PXMP2: variants seen among roughly 807,000 people sequenced by gnomAD.
PXMP2 encodes peroxisomal membrane protein 2, also known as 22 kDa peroxisomal membrane protein.
In PXMP2, 13 loss-of-function variants were observed where a neutral mutation model predicts 20.2. The observed-to-expected ratio is 0.64, with a 90% CI of 0.42 to 1.02. The LOEUF (loss-of-function observed/expected upper bound fraction) is 1.02, where lower values mean the gene tolerates loss of function less well. Among genes scored for constraint, PXMP2 ranks in the 50% least tolerant of loss-of-function variants. The probability of loss-of-function intolerance (pLI) is 0.00; values close to 1 mark genes in which losing one functional copy is unlikely to be tolerated. For missense variants in PXMP2, 284 were observed against 251.8 expected, an observed-to-expected ratio of 1.13 and a Z score of -0.87; for synonymous variants, 113 against 111.2, an observed-to-expected ratio of 1.02 and a Z score of -0.10.
intron 4 of PXMP2, among the ~76,000 whole-genome samples, chr12:132,704,221 G>A (rs1467819746): frequency 6.6e-6 from 1 of 152,156 alleles, no homozygotes; most frequent in East Asian, 1.9e-4. Context: ...TGGGTTAGAG[G>A]AGGGAAGGTC....
chr12:132,688,072 G>A, intron 1 of PXMP2: 1 of 217,540 alleles, frequency 4.6e-6, no homozygotes, highest in Non-Finnish European at 8.9e-6. Context: ...GGACCCAACA[G>A]GGGCCCCGCG....
At chr12:132,690,046 C>T (rs2043357150) in intron 1 of PXMP2, among the ~76,000 whole-genome samples, 1 of 152,218 alleles carries the variant, frequency 6.6e-6, no homozygotes, top group Non-Finnish European at 1.5e-5. Flanking sequence ...AGGATGTTGA[C>T]ATAGATACTG....
At chr12:132,694,701 G>T (rs1289950126) in intron 2 of PXMP2, among the ~76,000 whole-genome samples, 1 of 120,900 alleles carries the variant, frequency 8.3e-6, no homozygotes, top group Non-Finnish European at 1.7e-5. Context: ...GCCAGTTAGT[G>T]AGCTCCCTTG....
intron 1 of PXMP2, 151 bp downstream of exon 1, chr12:132,687,943 C>T: frequency 7.9e-6 from 6 of 758,306 alleles, no homozygotes; most frequent in Non-Finnish European, 1.0e-5. Context: ...CGGCGCTGAA[C>T]TTCCCGCGGC....
At position 132,704,810 on chromosome 12, in the gene PXMP2, CA is replaced by C; in HGVS notation, c.*128del. On this transcript the variant is annotated 3_prime_UTR_variant, in exon 5 of 5. Coordinates refer to ENST00000317479, the MANE Select transcript of PXMP2 (RefSeq NM_018663.3). Reference sequence around the variant, plus strand: ...TCTAAATCAGGTGATTCAAGATGCCCAAAAATGATGGATAGAGAAACAGAAA... The same window carrying C: ...TCTAAATCAGGTGATTCAAGATGCCCAAAATGATGGATAGAGAAACAGAAA... 2.2e-6 allele frequency: 2 copies of C among 915,248 alleles called. No individual in the cohort carries two copies. Among genetic ancestry groups the C allele is most frequent in the Admixed American group, 2.0e-5 (1 of 51,182 alleles). The allele number at this position is 915,248 out of a possible 1,614,324, so 56.7% of individuals were successfully genotyped here.
intron 2 of PXMP2, among the ~76,000 whole-genome samples, chr12:132,693,909 T>TTAGA: frequency 1.1e-5 from 1 of 88,722 alleles, no homozygotes; most frequent in Admixed American, 9.9e-5. Flanking sequence ...CCTTAGCCAG[T>TTAGA]TAGTGAGCGC....
chr12:132,690,112 C>G, intron 1 of PXMP2, 151 bp from the exon 2 acceptor site: 1 of 608,726 alleles, frequency 1.6e-6, no homozygotes, highest in South Asian at 2.1e-5. Flanking sequence ...CCTTTTGATA[C>G]AAGAACTATA....
intron 1 of PXMP2, 70 bp downstream of exon 1, chr12:132,687,862 G>C: frequency 2.7e-6 from 3 of 1,095,448 alleles, no homozygotes; most frequent in South Asian, 4.3e-5. Context: ...GGGCCTGGAC[G>C]GGAGCGCCGG....
chr12:132,697,393 TTTTATTTA>T (rs139781321), intron 3 of PXMP2, among the ~76,000 whole-genome samples: 3 of 150,018 alleles, frequency 2.0e-5, no homozygotes, highest in African/African-American at 7.3e-5. Flanking sequence ...TGTAGTCCTA[TTTTATTTA>T]TTTATTTATT....
chr12:132,704,583 G>A (rs752131113), intron 4 of PXMP2, 36 bp from the exon 5 acceptor site: 38 of 1,394,810 alleles, frequency 2.7e-5, no homozygotes, highest in East Asian at 1.9e-4. Context: ...ACGGCCTCCC[G>A]CTGACCGTGG....
intron 2 of PXMP2, 60 bp from the exon 3 acceptor site, chr12:132,695,824 G>A (rs1593106928): frequency 2.6e-6 from 4 of 1,526,930 alleles, no homozygotes; most frequent in Admixed American, 2.0e-5. Flanking sequence ...GGTGAAGCTA[G>A]ACCAGAGAAG....
At position 132,693,790 on chromosome 12, in the gene PXMP2, T is replaced by A. The variant is rs1213045031; in HGVS notation, c.237-2094T>A. On this transcript the variant is annotated intron_variant, in intron 2 of 4. Transcript: ENST00000317479. ...GTTAGTGAGCGCCCTTGCCAGTTAG[T>A]TAGTTAGCTCCCTTAGCCAGTTAGT... Among the ~76,000 whole-genome samples, 283 of 100,412 alleles carry A rather than the reference T, an allele frequency of 2.8e-3. 1 individual carries two copies. Among genetic ancestry groups the A allele is most frequent in the Admixed American group, 6.8e-3 (66 of 9,726 alleles). 65.9% of individuals were successfully genotyped at this position (100,412 alleles called of 152,430 possible).
intron 2 of PXMP2, among the ~76,000 whole-genome samples, chr12:132,691,922 G>C (rs146295581): frequency 1.3e-5 from 2 of 152,382 alleles, no homozygotes; most frequent in African/African-American, 4.8e-5. Flanking sequence ...ATGATTAGTA[G>C]CAACGCACAC....
intron 3 of PXMP2, among the ~76,000 whole-genome samples, chr12:132,698,976 A>G (rs1163706984): frequency 6.6e-6 from 1 of 152,156 alleles, no homozygotes; most frequent in African/African-American, 2.4e-5. Flanking sequence ...TAGTTTGTAT[A>G]TATTTAGAGG....
intron 3 of PXMP2, among the ~76,000 whole-genome samples, chr12:132,697,641 C>T (rs1367690850): frequency 2.6e-5 from 4 of 151,990 alleles, no homozygotes; most frequent in African/African-American, 7.2e-5. Flanking sequence ...CTCCTGACCT[C>T]GTGATCCGCC....
At chr12:132,692,250 A>T (rs1381520307) in intron 2 of PXMP2, among the ~76,000 whole-genome samples, 19 of 137,996 alleles carry the variant, frequency 1.4e-4, no homozygotes, top group African/African-American at 2.3e-4. Context: ...GAGCTCCCTG[A>T]GCCAGTTAGT....
intron 3 of PXMP2, among the ~76,000 whole-genome samples, chr12:132,699,884 G>A (rs144307202): frequency 0.011 from 1,621 of 152,254 alleles, 118 homozygotes; most frequent in Admixed American, 0.099. Flanking sequence ...TAGAGGCCCA[G>A]TAGTGGGATT....
intron 4 of PXMP2, among the ~76,000 whole-genome samples, chr12:132,701,907 T>C (rs142385214): frequency 0.014 from 2,126 of 152,176 alleles, 58 homozygotes; most frequent in African/African-American, 0.048. Flanking sequence ...CTGGCCAACA[T>C]AGCGAAACCC....
chr12:132,704,898 C>A lies in PXMP2; in HGVS notation c.*211C>A. ...GTCGCTGCCTTCAGGTGGTGCTGCC[C>A]CAGAAACTTAAAATTTAGTCGAGGC... is the stretch of plus-strand genomic sequence containing the variant. On this transcript the variant is annotated 3_prime_UTR_variant, in exon 5 of 5. Coordinates refer to ENST00000317479, the MANE Select transcript of PXMP2 (RefSeq NM_018663.3). 1.8e-6 allele frequency: 1 copy of A among 564,074 alleles called. No homozygotes were observed. The highest frequency in any genetic ancestry group is 2.2e-5 in the South Asian group (1 of 45,038). 34.9% of individuals were successfully genotyped at this position (564,074 alleles called of 1,614,324 possible).
Sources: gnomAD v4.1 joint callset for allele counts (sites outside exome capture counted in the v4.1 genomes callset) on GRCh38, gnomAD v4.1.1 for gene constraint, MANE v1.5 for transcripts, NCBI Gene and HGNC (gene_info 2026-07-23, HGNC 2026-07-21) for gene names.